The following HNF1B variants were observed in gnomAD, a reference collection of about 807,000 sequenced individuals.
The protein encoded by HNF1B is HNF1 homeobox B.
In HNF1B, 8 loss-of-function variants were observed where a neutral mutation model predicts 61.7. The ratio of observed to expected loss-of-function variants is 0.13; its 90% CI spans 0.08 to 0.23. The LOEUF (loss-of-function observed/expected upper bound fraction) is 0.23. Ranked by LOEUF, HNF1B falls within the 10% of genes least tolerant of loss-of-function variation. The pLI, the probability that HNF1B is intolerant of heterozygous loss-of-function variation, is 1.00. For missense variants in HNF1B, 562 were observed against 714.5 expected, an observed-to-expected ratio of 0.79 and a Z score of 2.43; for synonymous variants, 314 against 287.7, an observed-to-expected ratio of 1.09 and a Z score of -0.93.
chr17:37,691,490 C>T (rs1192844896), intron 8 of HNF1B, among the ~76,000 whole-genome samples: 1 of 152,116 alleles, frequency 6.6e-6, no homozygotes, highest in East Asian at 1.9e-4. Flanking sequence ...ATGCCCTTTG[C>T]CACGTAAGAC....
chr17:37,721,078 G>C, intron 4 of HNF1B: 1 of 394,866 alleles, frequency 2.5e-6, no homozygotes, highest in South Asian at 1.0e-4. Context: ...AGTCCAATGG[G>C]TGCCAAGCAG....
At chr17:37,716,854 CTCTCT>C (rs2033137213) in intron 4 of HNF1B, among the ~76,000 whole-genome samples, 1 of 88,146 alleles carries the variant, frequency 1.1e-5, no homozygotes, top group Non-Finnish European at 2.2e-5. Flanking sequence ...CTCTCTCTCT[CTCTCT>C]CTCTCTCTCT....
intron 4 of HNF1B, chr17:37,720,796 C>T (rs1348072948): frequency 2.0e-6 from 2 of 985,158 alleles, no homozygotes; most frequent in Non-Finnish European, 2.4e-6. Flanking sequence ...ACATACAGAG[C>T]AAGGTGTTCA....
chr17:37,713,561 G>A (rs2033006567), intron 4 of HNF1B, among the ~76,000 whole-genome samples: 4 of 152,310 alleles, frequency 2.6e-5, no homozygotes, highest in East Asian at 1.9e-4. Context: ...AGACAGATGA[G>A]CCTAGACCTT....
chr17:37,705,703 A>C (rs1305134646), intron 5 of HNF1B, among the ~76,000 whole-genome samples: 1 of 152,202 alleles, frequency 6.6e-6, no homozygotes, highest in African/African-American at 2.4e-5. Flanking sequence ...ATGTAATTGT[A>C]ATACAAGCAT....
intron 8 of HNF1B, among the ~76,000 whole-genome samples, chr17:37,691,039 T>C (rs1406754286): frequency 6.6e-6 from 1 of 152,030 alleles, no homozygotes; most frequent in East Asian, 1.9e-4. Context: ...GCTGAGGAGA[T>C]GAGAAGTGGC....
chr17:37,696,799 C>G (rs897476465), intron 8 of HNF1B, among the ~76,000 whole-genome samples: 4 of 152,208 alleles, frequency 2.6e-5, no homozygotes, highest in African/African-American at 9.7e-5. Context: ...TCTTTCAGAA[C>G]TCACTTCTGA....
chr17:37,738,809 C>G (rs774556392), intron 2 of HNF1B, among the ~76,000 whole-genome samples: 3 of 152,090 alleles, frequency 2.0e-5, no homozygotes, highest in Non-Finnish European at 2.9e-5. Context: ...TTTCCTGTGC[C>G]CTGCCTTAGC....
At chr17:37,717,903 C>A (rs1253663081) in intron 4 of HNF1B, among the ~76,000 whole-genome samples, 2 of 152,184 alleles carry the variant, frequency 1.3e-5, no homozygotes, top group African/African-American at 2.4e-5. Flanking sequence ...GATTAAAAAT[C>A]TGCAAATGTG....
At chr17:37,703,674 T>C (rs2147454266) in intron 6 of HNF1B, among the ~76,000 whole-genome samples, 1 of 152,312 alleles carries the variant, frequency 6.6e-6, no homozygotes, top group South Asian at 2.1e-4. Flanking sequence ...TGATCATTTA[T>C]ATTGTGAGTT....
intron 3 of HNF1B, among the ~76,000 whole-genome samples, chr17:37,732,781 C>T (rs2033724674): frequency 6.6e-6 from 1 of 152,032 alleles, no homozygotes; most frequent in South Asian, 2.1e-4. Flanking sequence ...ATCTGCTGGG[C>T]AACATAGCAA....
intron 4 of HNF1B, among the ~76,000 whole-genome samples, chr17:37,723,704 A>G (rs1034095194): frequency 1.3e-5 from 2 of 152,232 alleles, no homozygotes; most frequent in African/African-American, 4.8e-5. Context: ...GGTTGAATGA[A>G]ACCTCCAAGA....
At chr17:37,703,413 G>GTATATA (rs72158174) in intron 6 of HNF1B, among the ~76,000 whole-genome samples, 34 of 150,310 alleles carry the variant, frequency 2.3e-4, no homozygotes, top group African/African-American at 6.8e-4. Flanking sequence ...AATTCAGATA[G>GTATATA]TATATATATA....
intron 3 of HNF1B, among the ~76,000 whole-genome samples, chr17:37,732,175 C>T (rs1017739993): frequency 6.6e-6 from 1 of 152,156 alleles, no homozygotes; most frequent in African/African-American, 2.4e-5. Context: ...CCATTCTTCC[C>T]ACCACATAAA....
At chr17:37,731,223 G>A (rs982509853) in intron 4 of HNF1B, 3 of 393,830 alleles carry the variant, frequency 7.6e-6, no homozygotes, top group African/African-American at 6.1e-5. Flanking sequence ...AACACAGTGA[G>A]GGTTGCCACG....
At chr17:37,713,512 A>G (rs2033004460) in intron 4 of HNF1B, among the ~76,000 whole-genome samples, 1 of 152,220 alleles carries the variant, frequency 6.6e-6, no homozygotes, top group African/African-American at 2.4e-5. Context: ...ACAAAACTTT[A>G]TTATATAAGA....
intron 4 of HNF1B, among the ~76,000 whole-genome samples, chr17:37,721,293 A>G (rs1419268630): frequency 1.3e-5 from 2 of 152,226 alleles, no homozygotes; most frequent in South Asian, 2.1e-4. Flanking sequence ...TTCTAACAGC[A>G]CACAGTTCCT....
At chr17:37,744,270 C>T (rs1420171253) in intron 1 of HNF1B, among the ~76,000 whole-genome samples, 3 of 152,268 alleles carry the variant, frequency 2.0e-5, no homozygotes, top group Admixed American at 2.0e-4. Context: ...AGCTCCAGTT[C>T]TCCCCGGCCC....
Position 37,705,060 on chromosome 17 carries a change from G to GA in HNF1B, c.1207-12dup, listed in dbSNP as rs2032698462. The GA allele has an allele frequency of 4.3e-6, 7 of 1,612,358 alleles. No individual in the cohort carries two copies. Among genetic ancestry groups the GA allele is most frequent in the Non-Finnish European group, 3.4e-6 (4 of 1,179,090 alleles). On this transcript the variant is annotated splice_polypyrimidine_tract_variant and intron_variant, in intron 5 of 8. Transcript: ENST00000617811. ...TCCTGAGACTGAGATCTGATGGAGA[G>GA]AAAAAAACAAGAGAAACATGGGTGG...
Sources: allele counts gnomAD v4.1 joint callset (sites outside exome capture counted in the v4.1 genomes callset), GRCh38; gene constraint gnomAD v4.1.1; transcripts MANE v1.5; gene names NCBI Gene and HGNC (gene_info 2026-07-23, HGNC 2026-07-21).